Variants in AGFG1 observed in about 807,000 individuals in gnomAD.
AGFG1 encodes the protein ArfGAP with FG repeats 1, also known as arf-GAP domain and FG repeat-containing protein 1.
AGFG1 carries 10 observed loss-of-function variants against 60.6 expected under a neutral mutation model. The observed-to-expected ratio is 0.16, with a 90% CI of 0.10 to 0.28. The LOEUF (loss-of-function observed/expected upper bound fraction) is 0.28, where lower values mean the gene tolerates loss of function less well. Ranked by LOEUF, AGFG1 falls within the 10% of genes least tolerant of loss-of-function variation. The probability of loss-of-function intolerance (pLI) is 1.00; values close to 1 mark genes in which losing one functional copy is unlikely to be tolerated. For missense variants in AGFG1, 537 were observed against 676.5 expected (o/e 0.79, Z 2.29); for synonymous variants, 247 against 242.9 (o/e 1.02, Z -0.16).
intron 6 of AGFG1, chr2:227,532,293 TAATA>T: frequency 9.8e-7 from 1 of 1,020,026 alleles, no homozygotes; most frequent in South Asian, 1.7e-5. Context: ...TATAGATTGT[TAATA>T]ATTCTTTAGT....
chr2:227,536,746 CA>C (rs1191763568), intron 9 of AGFG1, 42 bp downstream of exon 9: 2 of 1,594,764 alleles, frequency 1.3e-6, no homozygotes, highest in Admixed American at 3.3e-5. Flanking sequence ...ACAAAGAACC[CA>C]AATATATATT....
intron 2 of AGFG1, among the ~76,000 whole-genome samples, chr2:227,517,809 G>C (rs1293623933): frequency 6.6e-6 from 1 of 152,162 alleles, no homozygotes; most frequent in Non-Finnish European, 1.5e-5. Context: ...TTGGAAACTC[G>C]TGGACTTGTT....
At chr2:227,480,394 CTTATTTTATT>C (rs148242166) in intron 1 of AGFG1, among the ~76,000 whole-genome samples, 2 of 151,660 alleles carry the variant, frequency 1.3e-5, no homozygotes, top group African/African-American at 2.4e-5. Context: ...TTCCATATTT[CTTATTTTATT>C]TTATTTTATT....
intron 8 of AGFG1, 87 bp downstream of exon 8, chr2:227,535,112 G>A: frequency 5.4e-6 from 7 of 1,298,342 alleles, no homozygotes; most frequent in South Asian, 2.1e-5. Context: ...ACTGTTTCAA[G>A]GTATAATTTT....
chr2:227,523,698 T>C, intron 3 of AGFG1, 65 bp from the exon 4 acceptor site: 1 of 1,463,060 alleles, frequency 6.8e-7, no homozygotes, highest in Non-Finnish European at 9.4e-7. Context: ...AGAATTAAGC[T>C]TATCATTTTT....
intron 5 of AGFG1, among the ~76,000 whole-genome samples, chr2:227,527,200 G>T (rs554800586): frequency 2.6e-5 from 4 of 152,164 alleles, no homozygotes; most frequent in African/African-American, 9.6e-5. Flanking sequence ...TGTAACTTTG[G>T]GCAAATTACC....
intron 1 of AGFG1, among the ~76,000 whole-genome samples, chr2:227,490,952 C>T (rs1315845161): frequency 1.3e-5 from 2 of 152,080 alleles, no homozygotes; most frequent in Non-Finnish European, 2.9e-5. Flanking sequence ...CCTGCAGTTT[C>T]CTCTTGTACA....
chr2:227,552,187 T>G (rs1297031875), intron 11 of AGFG1, 70 bp downstream of exon 11: 5 of 1,562,834 alleles, frequency 3.2e-6, no homozygotes, highest in Non-Finnish European at 4.4e-6. Context: ...TGTTGTGTGC[T>G]TGGGCAGGAA....
chr2:227,482,986 T>C (rs1344555555), intron 1 of AGFG1, among the ~76,000 whole-genome samples: 5 of 151,816 alleles, frequency 3.3e-5, no homozygotes, highest in African/African-American at 1.2e-4. Flanking sequence ...AGTCTTTTTT[T>C]TTTTTTTTTT....
chr2:227,534,753 T>G, intron 7 of AGFG1, 92 bp from the exon 8 acceptor site: 1 of 1,355,392 alleles, frequency 7.4e-7, no homozygotes, highest in Non-Finnish European at 1.0e-6. Context: ...TAAATCCATT[T>G]TAAGTTTACC....
At chr2:227,510,048 T>C (rs1022595022) in intron 2 of AGFG1, among the ~76,000 whole-genome samples, 5 of 152,206 alleles carry the variant, frequency 3.3e-5, no homozygotes, top group African/African-American at 1.2e-4. Context: ...GTTGGGCAGA[T>C]GATAATCTTC....
chr2:227,520,125 G>A (rs200608192), intron 3 of AGFG1, 62 bp downstream of exon 3: 3 of 985,968 alleles, frequency 3.0e-6, no homozygotes, highest in Admixed American at 2.6e-5. Flanking sequence ...CTATGGGTAA[G>A]GTTAGTCTGA....
intron 2 of AGFG1, among the ~76,000 whole-genome samples, chr2:227,499,778 G>C (rs1292148140): frequency 1.3e-5 from 2 of 152,222 alleles, no homozygotes; most frequent in Non-Finnish European, 2.9e-5. Flanking sequence ...AGGGGCCTCA[G>C]GCCAGGTAGT....
intron 2 of AGFG1, among the ~76,000 whole-genome samples, chr2:227,505,788 G>C (rs1395815527): frequency 6.6e-6 from 1 of 152,036 alleles, no homozygotes; most frequent in Non-Finnish European, 1.5e-5. Flanking sequence ...GTCCAGGCTG[G>C]AGTGCAGTGG....
At chr2:227,520,649 A>G (rs1691797163) in intron 3 of AGFG1, among the ~76,000 whole-genome samples, 1 of 152,210 alleles carries the variant, frequency 6.6e-6, no homozygotes, top group African/African-American at 2.4e-5. Flanking sequence ...ACATATAGCT[A>G]GTAAGCCCCT....
chr2:227,522,563 C>T (rs988238003), intron 3 of AGFG1, among the ~76,000 whole-genome samples: 1 of 152,122 alleles, frequency 6.6e-6, no homozygotes, highest in African/African-American at 2.4e-5. Context: ...GCAACTCTGC[C>T]TCTCCATTTT....
chr2:227,481,007 C>G (rs1432049275), intron 1 of AGFG1, among the ~76,000 whole-genome samples: 1 of 151,180 alleles, frequency 6.6e-6, no homozygotes, highest in Non-Finnish European at 1.5e-5. Context: ...TTTCTTCCCT[C>G]TTTTGGAGTA....
intron 2 of AGFG1, among the ~76,000 whole-genome samples, chr2:227,515,188 T>G (rs1024418915): frequency 6.6e-6 from 1 of 152,202 alleles, no homozygotes; most frequent in Non-Finnish European, 1.5e-5. Flanking sequence ...CGCAAAGTGC[T>G]GGGATTACAG....
chr2:227,497,040 A>G (rs1690994118), intron 2 of AGFG1, among the ~76,000 whole-genome samples: 1 of 152,126 alleles, frequency 6.6e-6, no homozygotes, highest in Admixed American at 6.6e-5. Flanking sequence ...CAGGATTTAC[A>G]GCTATTCTGT....
Sources: gnomAD v4.1 joint callset for allele counts (sites outside exome capture counted in the v4.1 genomes callset) on GRCh38, gnomAD v4.1.1 for gene constraint, MANE v1.5 for transcripts, NCBI Gene and HGNC (gene_info 2026-07-23, HGNC 2026-07-21) for gene names.